PARD3B: variants seen among roughly 807,000 people sequenced by gnomAD.
The protein encoded by PARD3B is partitioning defective 3 homolog B.
PARD3B carries 103 observed loss-of-function variants against 130.2 expected under a neutral mutation model. That is an observed-to-expected ratio of 0.79 (90% CI 0.67 to 0.93). The LOEUF (loss-of-function observed/expected upper bound fraction) is 0.93, where lower values mean the gene tolerates loss of function less well. PARD3B is among the 40% of genes least tolerant of loss of function. The pLI, the probability that PARD3B is intolerant of heterozygous loss-of-function variation, is 0.00. For missense variants in PARD3B, 1,609 were observed against 1,499.2 expected, an observed-to-expected ratio of 1.07 and a Z score of -1.21; for synonymous variants, 583 against 553.2, an observed-to-expected ratio of 1.05 and a Z score of -0.76.
intron 1 of PARD3B, among the ~76,000 whole-genome samples, chr2:204,601,330 C>T (rs1284951801): frequency 1.3e-5 from 2 of 151,886 alleles, no homozygotes; most frequent in Admixed American, 6.6e-5. Context: ...CAAGCAGGCA[C>T]GCTGATGGGT....
intron 1 of PARD3B, among the ~76,000 whole-genome samples, chr2:204,550,224 C>T (rs948852757): frequency 2.0e-5 from 3 of 152,210 alleles, no homozygotes; most frequent in Non-Finnish European, 4.4e-5. Flanking sequence ...TAAGTCATCT[C>T]TAGATTATTT....
chr2:204,678,764 G>A lies in PARD3B; in HGVS notation c.121-7417G>A, dbSNP rs112324465. 0.015 allele frequency among the ~76,000 whole-genome samples: 2,244 copies of A among 152,230 alleles called. 48 individuals carry two copies. The highest frequency in any genetic ancestry group is 0.051 in the African/African-American group (2,134 of 41,524). On this transcript the variant is annotated intron_variant, in intron 1 of 22. Transcript: ENST00000406610. This position sits in a 1 kb window ranked among gnomAD's most constrained non-coding sequence, Gnocchi z 4.2. ...CGGAGGCTGGGTGGGCCAAAAAGTAGCATTTGAGCTGGAAAACGGATAACT... is the reference window on the plus strand; with the variant it reads ...CGGAGGCTGGGTGGGCCAAAAAGTAACATTTGAGCTGGAAAACGGATAACT...
At chr2:205,526,781 T>G (rs528713761) in intron 21 of PARD3B, among the ~76,000 whole-genome samples, 1 of 152,332 alleles carries the variant, frequency 6.6e-6, no homozygotes, top group East Asian at 1.9e-4. Flanking sequence ...AGTTAACGCT[T>G]AAGGTATGCA....
At chr2:204,749,797 C>A (rs2040390070) in intron 2 of PARD3B, among the ~76,000 whole-genome samples, 2 of 152,130 alleles carry the variant, frequency 1.3e-5, no homozygotes, top group Non-Finnish European at 2.9e-5. Context: ...AGTTTCAGAA[C>A]ATCAATATTA....
chr2:205,362,630 G>A (rs1425893861), intron 18 of PARD3B, among the ~76,000 whole-genome samples: 1 of 152,172 alleles, frequency 6.6e-6, no homozygotes, highest in Non-Finnish European at 1.5e-5. Context: ...AATCACATCA[G>A]TACCTTCCAC....
intron 2 of PARD3B, among the ~76,000 whole-genome samples, chr2:204,745,407 CTT>C (rs71032405): frequency 0.011 from 1,582 of 140,838 alleles, 13 homozygotes; most frequent in African/African-American, 0.031. Context: ...TAAATACTAC[CTT>C]TTTTTTTTTT....
chr2:205,391,226 A>C (rs2045848309), intron 18 of PARD3B, among the ~76,000 whole-genome samples: 2 of 152,258 alleles, frequency 1.3e-5, no homozygotes, highest in African/African-American at 2.4e-5. Context: ...GAGGTAGAGA[A>C]AAGGGAAGGA....
At chr2:204,550,830 A>G (rs1053635671) in intron 1 of PARD3B, among the ~76,000 whole-genome samples, 1 of 152,156 alleles carries the variant, frequency 6.6e-6, no homozygotes, top group African/African-American at 2.4e-5. Flanking sequence ...CTGGTATGAT[A>G]ATGTGTGGGA....
chr2:204,644,931 T>G (rs915898364), intron 1 of PARD3B, among the ~76,000 whole-genome samples: 11 of 152,188 alleles, frequency 7.2e-5, no homozygotes, highest in South Asian at 4.1e-4. Context: ...AATTTTTTTT[T>G]TTGTTTTAGT....
intron 14 of PARD3B, among the ~76,000 whole-genome samples, chr2:205,186,328 G>C (rs1024379374): frequency 6.6e-6 from 1 of 151,502 alleles, no homozygotes; most frequent in South Asian, 2.1e-4. Context: ...TATTGAAGAG[G>C]GTACCCAATA....
At chr2:205,267,630 C>T (rs1179467259) in intron 16 of PARD3B, among the ~76,000 whole-genome samples, 2 of 151,976 alleles carry the variant, frequency 1.3e-5, no homozygotes, top group Non-Finnish European at 2.9e-5. Context: ...CATGGTATGC[C>T]CTAATTTTAA....
intron 4 of PARD3B, among the ~76,000 whole-genome samples, chr2:205,054,429 TATA>T (rs1264746009): frequency 0.082 from 2,484 of 30,376 alleles, 61 homozygotes; most frequent in Non-Finnish European, 0.12. Context: ...TATATATATA[TATA>T]TATATTTTTT....
Position 205,172,434 on chromosome 2 carries a change from A to G in PARD3B, c.1791+53A>G, listed in dbSNP as rs1576059969. 2.6e-6 allele frequency: 4 copies of G among 1,546,308 alleles called. No individual in the cohort carries two copies. The East Asian group carries it at 9.2e-5, about 35-fold the overall frequency. ...CAGTTGCCCAAATTGCCACCAGAATATGCAGACTTCCATTCCTAGTATGGC... is the reference window on the plus strand; with the variant it reads ...CAGTTGCCCAAATTGCCACCAGAATGTGCAGACTTCCATTCCTAGTATGGC... On this transcript the variant is annotated intron_variant, in intron 12 of 22. Coordinates refer to ENST00000406610, the MANE Select transcript of PARD3B (RefSeq NM_001302769.2).
rs2035498020 is a variant in PARD3B, at chr2:205,176,770, G to GTCTCTAA, written c.1924+199_1924+200insATCTCTA. On this transcript the variant is annotated intron_variant, in intron 13 of 22. Transcript: ENST00000406610. This position sits in a 1 kb window ranked among gnomAD's most constrained non-coding sequence, Gnocchi z 5.3. ...ACTTGTGAATCAGATTCCTGGCAAT[G>GTCTCTAA]TCTCTAGTTTAAGTGACACTTTCTG... 6.6e-6 allele frequency among the ~76,000 whole-genome samples: 1 copy of GTCTCTAA among 152,098 alleles called. No individual in the cohort carries two copies. The highest frequency in any genetic ancestry group is 2.4e-5 in the African/African-American group (1 of 41,434).
chr2:205,543,741 T>C (rs1434388349), intron 21 of PARD3B, among the ~76,000 whole-genome samples: 1 of 152,248 alleles, frequency 6.6e-6, no homozygotes, highest in Non-Finnish European at 1.5e-5. Flanking sequence ...CTCATGATAC[T>C]GATAGTGGAG....
At chr2:205,190,324 G>C (rs2036326215) in intron 14 of PARD3B, among the ~76,000 whole-genome samples, 1 of 152,166 alleles carries the variant, frequency 6.6e-6, no homozygotes, top group African/African-American at 2.4e-5. Flanking sequence ...CTTGAGCAGA[G>C]CACTTTAAAT....
At chr2:204,602,569 C>A (rs2033557128) in intron 1 of PARD3B, among the ~76,000 whole-genome samples, 1 of 152,040 alleles carries the variant, frequency 6.6e-6, no homozygotes, top group African/African-American at 2.4e-5. Context: ...GTACTTTAAT[C>A]TGCATTATGG....
chr2:204,616,323 C>T (rs1022683702), intron 1 of PARD3B, among the ~76,000 whole-genome samples: 1 of 152,110 alleles, frequency 6.6e-6, no homozygotes, highest in African/African-American at 2.4e-5. Flanking sequence ...CCTGAACAGA[C>T]ACCTCAACAA....
At chr2:205,216,606 A>G (rs546717360) in intron 15 of PARD3B, among the ~76,000 whole-genome samples, 2 of 152,336 alleles carry the variant, frequency 1.3e-5, no homozygotes, top group African/African-American at 4.8e-5. Context: ...AACTACAAAA[A>G]GGACAAAAGG....
Sources: gnomAD v4.1 joint callset for allele counts (sites outside exome capture counted in the v4.1 genomes callset) on GRCh38, gnomAD v4.1.1 for gene constraint, Gnocchi (gnomAD v3.1) non-coding constraint, MANE v1.5 for transcripts, NCBI Gene and HGNC (gene_info 2026-07-23, HGNC 2026-07-21) for gene names.